DPP10: variants seen among roughly 807,000 people sequenced by gnomAD.
The protein encoded by DPP10 is dipeptidyl peptidase like 10.
In DPP10, 33 loss-of-function variants were observed where a neutral mutation model predicts 120.9. The ratio of observed to expected loss-of-function variants is 0.27; its 90% CI spans 0.21 to 0.37. The LOEUF (loss-of-function observed/expected upper bound fraction) is 0.37, where lower values mean the gene tolerates loss of function less well. Ranked by LOEUF, DPP10 falls within the 10% of genes least tolerant of loss-of-function variation. DPP10 has a pLI of 1.00. For synonymous variants in DPP10, 337 were observed against 326.1 expected, an observed-to-expected ratio of 1.03 and a Z score of -0.36; for missense variants, 816 against 942.8, an observed-to-expected ratio of 0.87 and a Z score of 1.76.
chr2:115,394,717 T>G (rs2067560655), intron 3 of DPP10, among the ~76,000 whole-genome samples: 1 of 152,166 alleles, frequency 6.6e-6, no homozygotes, highest in African/African-American at 2.4e-5. Context: ...TTTAAAAGTG[T>G]CTGTCATTTG....
At chr2:115,761,284 A>G (rs946243372) in intron 11 of DPP10, among the ~76,000 whole-genome samples, 3 of 152,098 alleles carry the variant, frequency 2.0e-5, no homozygotes, top group Non-Finnish European at 2.9e-5. Flanking sequence ...ATTAGCCTAC[A>G]TATATTGTAG....
intron 1 of DPP10, among the ~76,000 whole-genome samples, chr2:114,753,444 C>T (rs924818632): frequency 2.0e-5 from 3 of 152,154 alleles, no homozygotes; most frequent in Non-Finnish European, 4.4e-5. Flanking sequence ...CTCCAGTGAT[C>T]GCTGTGAGGA....
At chr2:115,024,247 C>T (rs1441796854) in intron 1 of DPP10, among the ~76,000 whole-genome samples, 1 of 152,036 alleles carries the variant, frequency 6.6e-6, no homozygotes, top group Non-Finnish European at 1.5e-5. Context: ...ATAGTTGAGT[C>T]TTGGTTTTTA....
chr2:115,194,768 C>G (rs766111270), intron 1 of DPP10, among the ~76,000 whole-genome samples: 10 of 152,122 alleles, frequency 6.6e-5, no homozygotes, highest in Non-Finnish European at 8.8e-5. Context: ...ATCTACACGG[C>G]AGAGGACTAG....
chr2:115,682,825 TTA>T (rs2090747858), intron 5 of DPP10, among the ~76,000 whole-genome samples: 1 of 151,852 alleles, frequency 6.6e-6, no homozygotes. Flanking sequence ...GCATTTACAG[TTA>T]GAGAGTATTT....
intron 1 of DPP10, among the ~76,000 whole-genome samples, chr2:114,716,424 G>A (rs1212755932): frequency 2.0e-5 from 3 of 152,048 alleles, no homozygotes; most frequent in South Asian, 4.1e-4. Flanking sequence ...ATCTAAACCC[G>A]AAAACAATAA....
At chr2:115,319,245 C>T (rs2061943388) in intron 2 of DPP10, among the ~76,000 whole-genome samples, 1 of 152,008 alleles carries the variant, frequency 6.6e-6, no homozygotes, top group South Asian at 2.1e-4. Flanking sequence ...GAATAAAACC[C>T]ACTTGTTCAT....
At chr2:115,572,859 AC>A (rs1156867732) in intron 5 of DPP10, among the ~76,000 whole-genome samples, 2 of 152,182 alleles carry the variant, frequency 1.3e-5, no homozygotes, top group Non-Finnish European at 2.9e-5. Flanking sequence ...GAAATACCTG[AC>A]TTTTGTAAGC....
intron 5 of DPP10, among the ~76,000 whole-genome samples, chr2:115,569,799 C>T (rs6738130): frequency 0.62 from 94,896 of 152,048 alleles, 30,357 homozygotes; most frequent in Middle Eastern, 0.76. Context: ...AGGAGCTTAG[C>T]TGACATTGTC....
At chr2:115,088,667 A>G (rs1301109444) in intron 1 of DPP10, among the ~76,000 whole-genome samples, 4 of 140,934 alleles carry the variant, frequency 2.8e-5, no homozygotes, top group African/African-American at 1.0e-4. Context: ...GCTGGTCTCA[A>G]ATTCCTGGCC....
At chr2:115,275,345 TACTC>T (rs1390147651) in intron 1 of DPP10, among the ~76,000 whole-genome samples, 2 of 152,224 alleles carry the variant, frequency 1.3e-5, no homozygotes. Context: ...CACATGCACA[TACTC>T]AAATAAATAT....
intron 1 of DPP10, among the ~76,000 whole-genome samples, chr2:115,102,208 G>A (rs981392829): frequency 2.0e-5 from 3 of 152,128 alleles, no homozygotes; most frequent in Non-Finnish European, 2.9e-5. Flanking sequence ...GGCAGAGAGA[G>A]TGATAGAGAG....
intron 1 of DPP10, among the ~76,000 whole-genome samples, chr2:114,508,013 A>G (rs1232071846): frequency 6.6e-6 from 1 of 151,384 alleles, no homozygotes; most frequent in Non-Finnish European, 1.5e-5. Flanking sequence ...CTTTGCTTCC[A>G]TCCTTCCTTC....
At chr2:115,067,328 T>C (rs988977400) in intron 1 of DPP10, among the ~76,000 whole-genome samples, 1 of 151,706 alleles carries the variant, frequency 6.6e-6, no homozygotes, top group African/African-American at 2.4e-5. Context: ...CTCTGCTCAC[T>C]GCAAGCTCCG....
intron 1 of DPP10, among the ~76,000 whole-genome samples, chr2:114,514,743 A>G (rs1684447553): frequency 1.3e-5 from 2 of 151,662 alleles, no homozygotes; most frequent in African/African-American, 4.8e-5. Flanking sequence ...ACCACCTGTG[A>G]TAACTGGGAA....
chr2:114,753,263 C>T (rs1679399289), intron 1 of DPP10, among the ~76,000 whole-genome samples: 1 of 152,174 alleles, frequency 6.6e-6, no homozygotes, highest in Non-Finnish European at 1.5e-5. Flanking sequence ...CCCAAAGAAA[C>T]TAATGTCCAA....
intron 1 of DPP10, among the ~76,000 whole-genome samples, chr2:114,917,529 A>G (rs1433846887): frequency 6.6e-6 from 1 of 152,172 alleles, no homozygotes; most frequent in African/African-American, 2.4e-5. Flanking sequence ...ACAAAAAAAA[A>G]GCTGGAGGCA....
At chr2:114,561,001 G>C (rs2104942314) in intron 1 of DPP10, among the ~76,000 whole-genome samples, 1 of 152,280 alleles carries the variant, frequency 6.6e-6, no homozygotes. Context: ...TGTTCTCACA[G>C]CTCCATCCAG....
chr2:115,690,652 A>G (rs2149499472), intron 7 of DPP10, among the ~76,000 whole-genome samples: 1 of 152,186 alleles, frequency 6.6e-6, no homozygotes. Flanking sequence ...ACCTCAAGCG[A>G]TCCACCCACC....
Sources: allele counts gnomAD v4.1 joint callset (sites outside exome capture counted in the v4.1 genomes callset), GRCh38; gene constraint gnomAD v4.1.1; transcripts MANE v1.5; gene names NCBI Gene and HGNC (gene_info 2026-07-23, HGNC 2026-07-21).